Variants in OCA2 observed in about 807,000 individuals in gnomAD.
OCA2 encodes the protein OCA2 melanosomal transmembrane protein.
Under a neutral mutation model 100.2 loss-of-function variants are expected in OCA2, and 77 were observed. That is an observed-to-expected ratio of 0.77 (90% CI 0.64 to 0.93). The LOEUF (loss-of-function observed/expected upper bound fraction) is 0.93, where lower values mean the gene tolerates loss of function less well. Ranked by LOEUF, OCA2 falls within the 40% of genes least tolerant of loss-of-function variation. OCA2 has a pLI of 0.00. For missense variants in OCA2, 1,062 were observed against 1,089.1 expected, an observed-to-expected ratio of 0.98 and a Z score of 0.35; for synonymous variants, 432 against 439.2, an observed-to-expected ratio of 0.98 and a Z score of 0.21.
chr15:27,909,109 A>G (rs899823160), intron 19 of OCA2, among the ~76,000 whole-genome samples: 4 of 152,254 alleles, frequency 2.6e-5, no homozygotes, highest in African/African-American at 7.2e-5. Context: ...TATACACAAA[A>G]AAATAAACAG....
chr15:27,878,700 C>T lies in OCA2; in HGVS notation c.2080-6778G>A, dbSNP rs892250025. 3.3e-5 allele frequency among the ~76,000 whole-genome samples: 5 copies of T among 152,096 alleles called. No homozygotes were observed. In the South Asian group the frequency reaches 1.0e-3, roughly 32 times the overall value. On this transcript the variant is annotated intron_variant, in intron 19 of 23. Transcript: ENST00000354638. Reference sequence around the variant, plus strand: ...TGTCTAGGCATGTTTTCCTTTATTTCATCCTGTGTTTTCACTGAATTTTGT... The same window carrying T: ...TGTCTAGGCATGTTTTCCTTTATTTTATCCTGTGTTTTCACTGAATTTTGT...
At chr15:27,742,769 T>A in the OCA2 span, among the ~76,000 whole-genome samples, 4 of 152,314 alleles carry the variant, frequency 2.6e-5, no homozygotes, top group South Asian at 8.3e-4. Context: ...AAATGATGCG[T>A]TAGTCCACAC....
intron 23 of OCA2, among the ~76,000 whole-genome samples, chr15:27,844,676 G>A (rs1234045495): frequency 6.6e-6 from 1 of 151,900 alleles, no homozygotes; most frequent in Admixed American, 6.6e-5. Flanking sequence ...TTTTTTTTGT[G>A]TTTTCACCAT....
intron 1 of OCA2, among the ~76,000 whole-genome samples, chr15:28,097,207 G>C (rs1400027737): frequency 1.3e-5 from 2 of 152,194 alleles, no homozygotes; most frequent in Admixed American, 6.5e-5. Context: ...CTCCCCACGG[G>C]TCGGACCCAC....
chr15:27,959,878 C>T (rs1017573763), intron 15 of OCA2, among the ~76,000 whole-genome samples: 1 of 152,214 alleles, frequency 6.6e-6, no homozygotes, highest in Non-Finnish European at 1.5e-5. Flanking sequence ...AGGTAGTACA[C>T]TTTTGTATTC....
intron 21 of OCA2, among the ~76,000 whole-genome samples, chr15:27,860,210 C>T (rs1408192774): frequency 1.3e-5 from 2 of 152,090 alleles, no homozygotes; most frequent in Non-Finnish European, 2.9e-5. Flanking sequence ...TTGCAAAACT[C>T]AATAAAAGGT....
At chr15:27,893,400 G>C (rs932316387) in intron 19 of OCA2, among the ~76,000 whole-genome samples, 1 of 152,254 alleles carries the variant, frequency 6.6e-6, no homozygotes, top group East Asian at 1.9e-4. Context: ...GAATAACAGC[G>C]ATTTTTATGG....
the OCA2 span, among the ~76,000 whole-genome samples, chr15:27,734,885 CAA>C: frequency 6.6e-5 from 10 of 152,176 alleles, no homozygotes; most frequent in Non-Finnish European, 1.5e-5. Context: ...AGTAAGTCTG[CAA>C]AGTCTGAAAT....
chr15:27,913,876 AAAGAAAGAAAGAAAGAAAGCAAGCAAGC>A (rs2038523789), intron 19 of OCA2, among the ~76,000 whole-genome samples: 1 of 62,468 alleles, frequency 1.6e-5, no homozygotes, highest in Non-Finnish European at 2.8e-5. Context: ...AGAAAGAAAG[AAAGAAAGAAAGAAAGAAAGCAAGCAAGC>A]AAGCAAGCAA....
chr15:27,782,386 C>T (rs1192473212), intron 23 of OCA2, among the ~76,000 whole-genome samples: 1 of 152,190 alleles, frequency 6.6e-6, no homozygotes, highest in East Asian at 1.9e-4. Flanking sequence ...CAGAACTTCA[C>T]TGAGAGTGTG....
At chr15:28,094,838 C>A (rs936510205) in intron 1 of OCA2, among the ~76,000 whole-genome samples, 3 of 152,214 alleles carry the variant, frequency 2.0e-5, no homozygotes, top group African/African-American at 7.2e-5. Context: ...CTGCCCGAGC[C>A]CCGCCTCCCG....
chr15:27,852,733 AC>A (rs1270054383), intron 21 of OCA2, among the ~76,000 whole-genome samples: 3 of 149,810 alleles, frequency 2.0e-5, no homozygotes, highest in African/African-American at 7.4e-5. Context: ...CAAGAAAAAA[AC>A]AAACAACCCC....
the OCA2 span, among the ~76,000 whole-genome samples, chr15:27,743,029 G>T: frequency 6.6e-6 from 1 of 152,208 alleles, no homozygotes; most frequent in South Asian, 2.1e-4. Context: ...ATGCCATCAG[G>T]GTAGACATTC....
chr15:27,943,219 G>C (rs1240677565), intron 18 of OCA2, among the ~76,000 whole-genome samples: 1 of 152,070 alleles, frequency 6.6e-6, no homozygotes, highest in Non-Finnish European at 1.5e-5. Flanking sequence ...GGCATGAAGG[G>C]GGTCAGCCGT....
rs996259118 is a variant in OCA2, at chr15:28,011,078, G to C, written c.1044+3698C>G. On this transcript the variant is annotated intron_variant, in intron 9 of 23. Coordinates refer to ENST00000354638, the MANE Select transcript of OCA2 (RefSeq NM_000275.3). ...AAGGAGCAAATGCAATTCAACTGAG[G>C]AGGGGTAGTCTTGTCGATAAATGAT... 3.3e-5 allele frequency among the ~76,000 whole-genome samples: 5 copies of C among 152,192 alleles called. No homozygotes were observed. In the East Asian group the frequency reaches 9.6e-4, roughly 29 times the overall value.
At chr15:28,056,064 G>T (rs1225682625) in intron 2 of OCA2, among the ~76,000 whole-genome samples, 1 of 152,004 alleles carries the variant, frequency 6.6e-6, no homozygotes, top group Non-Finnish European at 1.5e-5. Flanking sequence ...CTGCACTCCA[G>T]GGGCCCCTGG....
intron 1 of OCA2, among the ~76,000 whole-genome samples, chr15:28,089,514 C>A (rs1432533515): frequency 6.6e-6 from 1 of 152,200 alleles, no homozygotes. Context: ...ACCATGGCTT[C>A]AGCTGGTCCC....
chr15:27,813,858 G>C (rs571585573), intron 23 of OCA2, among the ~76,000 whole-genome samples: 11 of 152,278 alleles, frequency 7.2e-5, no homozygotes, highest in African/African-American at 2.4e-4. Flanking sequence ...AATCTATAGA[G>C]AAAAGATGAA....
chr15:28,001,956 C>T (rs373536478), intron 9 of OCA2, among the ~76,000 whole-genome samples: 15 of 152,300 alleles, frequency 9.8e-5, no homozygotes, highest in African/African-American at 1.7e-4. Flanking sequence ...CTGCCGGGCT[C>T]ACGGCACTCT....
Sources: gnomAD v4.1 joint callset for allele counts (sites outside exome capture counted in the v4.1 genomes callset) on GRCh38, gnomAD v4.1.1 for gene constraint, MANE v1.5 for transcripts, NCBI Gene and HGNC (gene_info 2026-07-23, HGNC 2026-07-21) for gene names.